Variants in ISM1 observed in about 807,000 individuals in gnomAD.
ISM1 encodes the protein isthmin-1.
A neutral mutation model predicts 46.3 loss-of-function variants in ISM1; 25 were observed. That is an observed-to-expected ratio of 0.54 (90% CI 0.39 to 0.75). ISM1 has a LOEUF of 0.75. Among genes scored for constraint, ISM1 ranks in the 30% least tolerant of loss-of-function variants. The probability of loss-of-function intolerance (pLI) is 0.00; values close to 1 mark genes in which losing one functional copy is unlikely to be tolerated. For synonymous variants in ISM1, 255 were observed against 256.7 expected, an observed-to-expected ratio of 0.99 and a Z score of 0.06; for missense variants, 536 against 625.4, an observed-to-expected ratio of 0.86 and a Z score of 1.52.
intron 2 of ISM1, among the ~76,000 whole-genome samples, chr20:13,276,274 T>C (rs1889726412): frequency 6.6e-6 from 1 of 152,204 alleles, no homozygotes; most frequent in Non-Finnish European, 1.5e-5. Flanking sequence ...TTGAAGAGCA[T>C]GGCCTCTGTA....
At chr20:13,310,625 A>C in the ISM1 span, among the ~76,000 whole-genome samples, 1 of 152,224 alleles carries the variant, frequency 6.6e-6, no homozygotes, top group Non-Finnish European at 1.5e-5. Flanking sequence ...TCAACAGAGT[A>C]AAGAGAAAAA....
the ISM1 span, among the ~76,000 whole-genome samples, chr20:13,316,551 A>G: frequency 2.0e-5 from 3 of 151,976 alleles, no homozygotes; most frequent in Admixed American, 1.3e-4. Flanking sequence ...CAACATTAGC[A>G]AATCAAATCC....
At chr20:13,326,383 A>G in the ISM1 span, among the ~76,000 whole-genome samples, 18 of 152,274 alleles carry the variant, frequency 1.2e-4, no homozygotes, top group South Asian at 3.7e-3. Flanking sequence ...ATTCGATTTA[A>G]GTATATGTAT....
Position 13,229,411 on chromosome 20 carries a change from T to C in ISM1, c.138+7497T>C, listed in dbSNP as rs560263473. Among the ~76,000 whole-genome samples, 10 of 152,326 alleles carry C rather than the reference T, an allele frequency of 6.6e-5. No individual in the cohort carries two copies. In the South Asian group the frequency reaches 2.1e-3, roughly 32 times the overall value. ...TGCCTGTTCCAGAGTTTCACATAAA[T>C]GGAAATGTACTTTTTGCATTTTTCC... is the stretch of plus-strand genomic sequence containing the variant. On this transcript the variant is annotated intron_variant, in intron 1 of 5. Transcript: ENST00000262487.
intron 1 of ISM1, among the ~76,000 whole-genome samples, chr20:13,266,257 G>A (rs1255033147): frequency 6.6e-6 from 1 of 152,200 alleles, no homozygotes; most frequent in Non-Finnish European, 1.5e-5. Flanking sequence ...CCACAGTACT[G>A]CCATGTAAGG....
intron 4 of ISM1, among the ~76,000 whole-genome samples, chr20:13,290,301 GAGA>G (rs1280585755): frequency 2.0e-5 from 3 of 152,124 alleles, no homozygotes; most frequent in East Asian, 1.9e-4. Flanking sequence ...AAATGAAAAA[GAGA>G]AGAATATGAA....
intron 5 of ISM1, among the ~76,000 whole-genome samples, chr20:13,297,242 C>T (rs1032424859): frequency 1.3e-5 from 2 of 152,102 alleles, no homozygotes; most frequent in African/African-American, 4.8e-5. Flanking sequence ...CTAACCTTCA[C>T]TGTTTTCCAG....
chr20:13,297,071 A>C (rs139931852), intron 5 of ISM1, among the ~76,000 whole-genome samples: 1 of 152,148 alleles, frequency 6.6e-6, no homozygotes, highest in African/African-American at 2.4e-5. Context: ...CTGATCAATC[A>C]GTGAGGACAA....
At chr20:13,313,667 T>G in the ISM1 span, among the ~76,000 whole-genome samples, 1 of 152,156 alleles carries the variant, frequency 6.6e-6, no homozygotes, top group African/African-American at 2.4e-5. Context: ...CCTTACCACA[T>G]CACTAAAGTC....
At chr20:13,277,570 C>T (rs186195113) in intron 2 of ISM1, among the ~76,000 whole-genome samples, 111 of 152,222 alleles carry the variant, frequency 7.3e-4, no homozygotes, top group East Asian at 6.0e-3. Flanking sequence ...TACTCTCCCA[C>T]GACCATTCAT....
At position 13,299,525 on chromosome 20, in the gene ISM1, GC is replaced by G; in HGVS notation, c.*68del. On this transcript the variant is annotated 3_prime_UTR_variant, in exon 6 of 6. Transcript: ENST00000262487. This position sits in a 1 kb window ranked among gnomAD's most constrained non-coding sequence, Gnocchi z 5.8. ...GAGCACACACGTGCTGCACTGACGT[GC>G]CGACTGGCGCCGAGACCTTCATAGC... The G allele has an allele frequency of 7.1e-7, 1 of 1,402,124 alleles. No homozygotes were observed. Among genetic ancestry groups the G allele is most frequent in the South Asian group, 1.3e-5 (1 of 76,244 alleles). 86.9% of individuals were successfully genotyped at this position (1,402,124 alleles called of 1,614,324 possible).
downstream of ISM1, among the ~76,000 whole-genome samples, chr20:13,301,440 T>C (rs1456292883): frequency 6.6e-6 from 1 of 152,190 alleles, no homozygotes; most frequent in Non-Finnish European, 1.5e-5. Flanking sequence ...CTGCCTGCCT[T>C]GGCCTCCCAA....
chr20:13,299,522 C>G lies in ISM1; in HGVS notation c.*63C>G. 6.8e-7 allele frequency: 1 copy of G among 1,468,426 alleles called. No homozygotes were observed. Among genetic ancestry groups the G allele is most frequent in the South Asian group, 1.3e-5 (1 of 78,802 alleles). The allele number at this position is 1,468,426 out of a possible 1,614,324, so 91.0% of individuals were successfully genotyped here. ...CTGGAGCACACACGTGCTGCACTGA[C>G]GTGCCGACTGGCGCCGAGACCTTCA... On this transcript the variant is annotated 3_prime_UTR_variant, in exon 6 of 6. Coordinates refer to ENST00000262487, the MANE Select transcript of ISM1 (RefSeq NM_080826.2). The surrounding 1 kb of genome is among the most constrained non-coding windows in gnomAD (Gnocchi z 5.8).
chr20:13,254,162 G>C (rs768043635), intron 1 of ISM1, among the ~76,000 whole-genome samples: 16 of 151,948 alleles, frequency 1.1e-4, no homozygotes, highest in Non-Finnish European at 2.2e-4. Flanking sequence ...GAGCCCAGGA[G>C]GGGGAGGTTG....
At chr20:13,326,034 T>G in the ISM1 span, among the ~76,000 whole-genome samples, 1 of 152,196 alleles carries the variant, frequency 6.6e-6, no homozygotes, top group African/African-American at 2.4e-5. Flanking sequence ...ACTACAGTTT[T>G]TGAAATGTCA....
chr20:13,296,269 G>C (rs1187334634), intron 5 of ISM1, among the ~76,000 whole-genome samples: 2 of 152,070 alleles, frequency 1.3e-5, no homozygotes, highest in African/African-American at 2.4e-5. Flanking sequence ...CTCTGGACCC[G>C]AGCCCAGCTG....
Position 13,240,675 on chromosome 20 carries a change from T to G in ISM1, c.138+18761T>G, listed in dbSNP as rs542984762. ...GCTTCTAAATGATGGCTCCATCTGATCAGTGGATAATGAGAGGGAAGAACA... is the reference window on the plus strand; with the variant it reads ...GCTTCTAAATGATGGCTCCATCTGAGCAGTGGATAATGAGAGGGAAGAACA... On this transcript the variant is annotated intron_variant, in intron 1 of 5. Coordinates refer to ENST00000262487, the MANE Select transcript of ISM1 (RefSeq NM_080826.2). Among the ~76,000 whole-genome samples the G allele has an allele frequency of 1.2e-4, 18 of 152,284 alleles. 1 individual carries two copies. Among genetic ancestry groups the G allele is most frequent in the African/African-American group, 4.3e-4 (18 of 41,558 alleles).
At chr20:13,272,957 A>T (rs926409538) in intron 2 of ISM1, among the ~76,000 whole-genome samples, 8 of 152,234 alleles carry the variant, frequency 5.3e-5, no homozygotes, top group African/African-American at 1.9e-4. Flanking sequence ...TGGGAATGTC[A>T]CTTGGGGCAT....
At chr20:13,283,556 C>A (rs2040259669) in intron 3 of ISM1, among the ~76,000 whole-genome samples, 1 of 152,118 alleles carries the variant, frequency 6.6e-6, no homozygotes, top group Non-Finnish European at 1.5e-5. Flanking sequence ...GAAGACAGAC[C>A]CCACTTGTGA....
Sources: gnomAD v4.1 joint callset for allele counts (sites outside exome capture counted in the v4.1 genomes callset) on GRCh38, gnomAD v4.1.1 for gene constraint, Gnocchi (gnomAD v3.1) non-coding constraint, MANE v1.5 for transcripts, NCBI Gene and HGNC (gene_info 2026-07-23, HGNC 2026-07-21) for gene names.